The following MYO10 variants were observed in gnomAD, a reference collection of about 807,000 sequenced individuals.
MYO10 encodes unconventional myosin-X.
A neutral mutation model predicts 257.3 loss-of-function variants in MYO10; 133 were observed. The ratio of observed to expected loss-of-function variants is 0.52; its 90% CI spans 0.45 to 0.60. The LOEUF is 0.60. MYO10 is among the 20% of genes least tolerant of loss of function. MYO10 has a pLI of 0.00. For missense variants in MYO10, 2,399 were observed against 2,635.7 expected (o/e 0.91, Z 1.97); for synonymous variants, 1,104 against 1,028.6 (o/e 1.07, Z -1.40).
intron 1 of MYO10, among the ~76,000 whole-genome samples, chr5:16,891,333 AAG>A (rs1745045998): frequency 2.5e-5 from 1 of 39,992 alleles, no homozygotes; most frequent in East Asian, 6.1e-4. Context: ...GGAAGGAAGG[AAG>A]GAAGGAAGGA....
chr5:16,774,157 A>T (rs1741143451), intron 9 of MYO10, among the ~76,000 whole-genome samples: 2 of 152,202 alleles, frequency 1.3e-5, no homozygotes, highest in African/African-American at 2.4e-5. Context: ...TTCAGCACAT[A>T]AAAAACAGAT....
chr5:16,775,977 C>T (rs1393773235), intron 9 of MYO10, among the ~76,000 whole-genome samples: 3 of 152,062 alleles, frequency 2.0e-5, no homozygotes, highest in African/African-American at 7.2e-5. Context: ...CTCACTGTAA[C>T]CTCCATCTCC....
At chr5:16,689,264 G>C (rs1028677276) in intron 28 of MYO10, among the ~76,000 whole-genome samples, 1 of 152,168 alleles carries the variant, frequency 6.6e-6, no homozygotes, top group East Asian at 1.9e-4. Context: ...ACTTAGGTAT[G>C]AAACATTTAG....
chr5:16,877,952 CCT>C (rs1354796744), intron 1 of MYO10, among the ~76,000 whole-genome samples: 4 of 152,114 alleles, frequency 2.6e-5, no homozygotes, highest in East Asian at 1.9e-4. Context: ...GTAGCTAGCC[CCT>C]GTGTTCTCAC....
chr5:16,935,265 G>C (rs1462258887), intron 1 of MYO10, among the ~76,000 whole-genome samples: 1 of 152,030 alleles, frequency 6.6e-6, no homozygotes, highest in Non-Finnish European at 1.5e-5. Context: ...AGCACTTCTC[G>C]GCGAGCAAAG....
intron 33 of MYO10, among the ~76,000 whole-genome samples, chr5:16,677,224 T>C (rs1258359739): frequency 6.6e-6 from 1 of 152,192 alleles, no homozygotes; most frequent in Non-Finnish European, 1.5e-5. Context: ...TATAAAACTT[T>C]TTCAGTAATA....
chr5:16,837,807 T>C (rs35965113), intron 2 of MYO10, among the ~76,000 whole-genome samples: 3 of 152,178 alleles, frequency 2.0e-5, no homozygotes, highest in African/African-American at 4.8e-5. Flanking sequence ...TTCTTACAAA[T>C]CGAGGGTTTG....
At chr5:16,783,268 C>T in intron 5 of MYO10, 67 bp downstream of exon 5, 1 of 1,432,988 alleles carries the variant, frequency 7.0e-7, no homozygotes, top group Non-Finnish European at 9.3e-7. Flanking sequence ...TTTAACTCTT[C>T]TTTAAATAAG....
At chr5:16,926,660 C>T (rs191066996) in intron 1 of MYO10, among the ~76,000 whole-genome samples, 48 of 151,636 alleles carry the variant, frequency 3.2e-4, no homozygotes, top group Non-Finnish European at 4.3e-4. Context: ...CAAAATTGCG[C>T]CACTACACTC....
intron 3 of MYO10, among the ~76,000 whole-genome samples, chr5:16,813,540 G>A (rs1052211117): frequency 6.7e-6 from 1 of 148,616 alleles, no homozygotes; most frequent in Non-Finnish European, 1.5e-5. Flanking sequence ...GACAAAGTGA[G>A]ACCCTGGCTC....
intron 4 of MYO10, among the ~76,000 whole-genome samples, chr5:16,788,014 G>A (rs188611202): frequency 2.6e-4 from 40 of 152,160 alleles, no homozygotes; most frequent in African/African-American, 8.9e-4. Flanking sequence ...GGCTGGTCTC[G>A]AACTTCTGAC....
intron 1 of MYO10, among the ~76,000 whole-genome samples, chr5:16,923,447 C>T (rs570412475): frequency 8.6e-5 from 13 of 151,904 alleles, no homozygotes; most frequent in African/African-American, 2.9e-4. Flanking sequence ...CCACCACGCC[C>T]GGCTAATTTT....
chr5:16,747,918 C>CAAAA (rs777257950), intron 19 of MYO10, among the ~76,000 whole-genome samples: 10 of 30,526 alleles, frequency 3.3e-4, no homozygotes, highest in Non-Finnish European at 1.9e-3. Context: ...AACTCCGTCT[C>CAAAA]AAAAAAAAAA....
rs114101514 is a variant in MYO10 at position 16,832,213 on chromosome 5, T to C, written c.121-14046A>G. Among the ~76,000 whole-genome samples the C allele has an allele frequency of 6.7e-3, 1,022 of 152,310 alleles. 8 individuals carry two copies. The highest frequency in any genetic ancestry group is 0.017 in the Middle Eastern group (5 of 294). ...ACTTCAGCCTCCCACAGTGCTAGGA[T>C]TACAGGTGTTCCCCACTGCACCTGG... On this transcript the variant is annotated intron_variant, in intron 2 of 40. Coordinates refer to ENST00000513610, the MANE Select transcript of MYO10 (RefSeq NM_012334.3).
Position 16,891,320 on chromosome 5 carries a change from A to G in MYO10, c.22-13613T>C, listed in dbSNP as rs957913474. Among the ~76,000 whole-genome samples the G allele has an allele frequency of 6.8e-5, 6 of 88,018 alleles. No homozygotes were observed. In the East Asian group the frequency reaches 1.8e-3, roughly 26 times the overall value. 57.7% of individuals were successfully genotyped at this position (88,018 alleles called of 152,430 possible). ...GAAAGAGAGAGAAAAGGAGAAGAGAAAAGGAAGGAAGGAAGGAAGGAAGGA... is the reference window on the plus strand; with the variant it reads ...GAAAGAGAGAGAAAAGGAGAAGAGAGAAGGAAGGAAGGAAGGAAGGAAGGA... On this transcript the variant is annotated intron_variant, in intron 1 of 40. Transcript: ENST00000513610.
chr5:16,671,579 C>G, intron 37 of MYO10, 37 bp from the exon 38 acceptor site: 1 of 1,613,194 alleles, frequency 6.2e-7, no homozygotes, highest in South Asian at 1.1e-5. Flanking sequence ...AGAATATGAA[C>G]GAGAAGGGCC....
intron 19 of MYO10, among the ~76,000 whole-genome samples, chr5:16,726,669 A>G (rs1402952409): frequency 6.6e-6 from 1 of 152,196 alleles, no homozygotes; most frequent in Non-Finnish European, 1.5e-5. Context: ...CGTATTCATT[A>G]TTTAACAATG....
At chr5:16,751,642 T>G (rs926930568) in intron 19 of MYO10, among the ~76,000 whole-genome samples, 4 of 150,684 alleles carry the variant, frequency 2.7e-5, no homozygotes, top group African/African-American at 9.8e-5. Flanking sequence ...CCACCAAACC[T>G]GGCTAATTTT....
At position 16,668,313 on chromosome 5, in the gene MYO10, C is replaced by G. The variant is rs769302371; in HGVS notation, c.6039G>C (p.Val2013=). ...CAAAGAGCAGCTCCCTCTCATCGAC[C>G]ACGATCTTATACGTATTCGCCAGGG... is the stretch of plus-strand genomic sequence containing the variant. ...GAPLANTYKI[V]VDERELLFET... The change falls in exon 40 of 41, where the codon GTG becomes GTC. Residue 2013 remains valine (V), a synonymous_variant. Coordinates refer to ENST00000513610, the MANE Select transcript of MYO10 (RefSeq NM_012334.3). The G allele has an allele frequency of 6.2e-7, 1 of 1,613,616 alleles. No individual in the cohort carries two copies. The highest frequency in any genetic ancestry group is 1.1e-5 in the South Asian group (1 of 91,010).
Sources: allele counts gnomAD v4.1 joint callset (sites outside exome capture counted in the v4.1 genomes callset), GRCh38; gene constraint gnomAD v4.1.1; transcripts MANE v1.5; gene names NCBI Gene and HGNC (gene_info 2026-07-23, HGNC 2026-07-21).